The following CSNK1G2 variants were observed in gnomAD, a reference collection of about 807,000 sequenced individuals.
CSNK1G2 encodes the protein casein kinase I isoform gamma-2.
Under a neutral mutation model 48.0 loss-of-function variants are expected in CSNK1G2, and 11 were observed. That is an observed-to-expected ratio of 0.23 (90% CI 0.14 to 0.38). CSNK1G2 has a LOEUF of 0.38. Among genes scored for constraint, CSNK1G2 ranks in the 10% least tolerant of loss-of-function variants. CSNK1G2 has a pLI of 1.00. For missense variants in CSNK1G2, 446 were observed against 595.5 expected (o/e 0.75, Z 2.61); for synonymous variants, 337 against 254.1 (o/e 1.33, Z -3.10).
intron 7 of CSNK1G2, 22 bp downstream of exon 7, chr19:1,979,270 G>A (rs1226220251): frequency 6.4e-7 from 1 of 1,564,892 alleles, no homozygotes; most frequent in East Asian, 2.4e-5. Flanking sequence ...GGCCGGGCAG[G>A]CGGGCGGGGA....
At position 1,980,133 on chromosome 19, in the gene CSNK1G2, C is replaced by T. The variant is rs369491884; in HGVS notation, c.1194-16C>T. ...CTGCACCCCGGTCCTCCTACCTGAG[C>T]CACTGCCCTCCTCAGATGCTGCTGT... On this transcript the variant is annotated splice_polypyrimidine_tract_variant and intron_variant, in intron 11 of 11. Coordinates refer to ENST00000255641, the MANE Select transcript of CSNK1G2 (RefSeq NM_001319.7). 44 of 1,612,668 alleles carry T rather than the reference C, an allele frequency of 2.7e-5. No individual in the cohort carries two copies. The highest frequency in any genetic ancestry group is 3.3e-5 in the Non-Finnish European group (39 of 1,179,800).
rs1226768467 is a variant in CSNK1G2, at chr19:1,980,474, A to G, written c.*271A>G. 14 of 461,764 alleles carry G rather than the reference A, an allele frequency of 3.0e-5. No individual in the cohort carries two copies. The highest frequency in any genetic ancestry group is 9.8e-5 in the South Asian group (4 of 40,880). 28.6% of individuals were successfully genotyped at this position (461,764 alleles called of 1,614,324 possible). A position where few individuals can be genotyped will look rare whatever the true frequency, so the allele number is the denominator to read the frequency against. Reference sequence around the variant, plus strand: ...AACTATTTAAAACAAGGAAAAGAGGAAAAAAAAAACAGAGGCCCGCCCTAC... The same window carrying G: ...AACTATTTAAAACAAGGAAAAGAGGGAAAAAAAAACAGAGGCCCGCCCTAC... On this transcript the variant is annotated 3_prime_UTR_variant, in exon 12 of 12. Coordinates refer to ENST00000255641, the MANE Select transcript of CSNK1G2 (RefSeq NM_001319.7).
chr19:1,979,398 T>C lies in CSNK1G2; in HGVS notation c.848T>C (p.Phe283Ser), dbSNP rs1316481240. 1.3e-6 allele frequency: 2 copies of C among 1,583,906 alleles called. No homozygotes were observed. Among genetic ancestry groups the C allele is most frequent in the Non-Finnish European group, 8.6e-7 (1 of 1,167,212 alleles). The change falls in exon 8 of 12, where the codon TTC (phenylalanine) becomes TCC (serine). Residue 283 changes from phenylalanine (F) to serine (S), a missense_variant. Physicochemically the swap from Phe to Ser is radical, Grantham distance 155 (BLOSUM62 -2). Coordinates refer to ENST00000255641, the MANE Select transcript of CSNK1G2 (RefSeq NM_001319.7). ...ATPIEVLCENFPEEMATYLRY... is the reference protein window; with the variant it reads ...ATPIEVLCENSPEEMATYLRY... ...CCCATCGAGGTGCTCTGCGAGAACT[T>C]CCCAGGTAAGGGGTCCCTGCGCCCC... is the stretch of plus-strand genomic sequence containing the variant.
intron 1 of CSNK1G2, among the ~76,000 whole-genome samples, chr19:1,956,277 G>C (rs551318919): frequency 2.4e-4 from 36 of 152,326 alleles, no homozygotes; most frequent in African/African-American, 8.4e-4. Context: ...GGTTCTGGGG[G>C]TTGGGGCTTG....
chr19:1,958,819 C>T, intron 1 of CSNK1G2, among the ~76,000 whole-genome samples: 1 of 71,492 alleles, frequency 1.4e-5, no homozygotes, highest in Non-Finnish European at 2.9e-5. Context: ...CCAGCTCTCC[C>T]AGGCACTGTC....
rs534684015 is a variant in CSNK1G2, at chr19:1,942,270, C to T, written c.-266+852C>T. Among the ~76,000 whole-genome samples the T allele has an allele frequency of 8.3e-4, 126 of 152,344 alleles. 2 individuals are homozygous for T. In the Middle Eastern group the frequency reaches 0.014, roughly 16 times the overall value. The stretch of plus-strand genomic sequence containing the variant: ...CCGATCCCCGCCTGGCTCCTCTCTC[C>T]CAACTTTCTTAGGGGAAGACTTTCC... On this transcript the variant is annotated intron_variant, in intron 1 of 11. Transcript: ENST00000255641.
At position 1,976,179 on chromosome 19, in the gene CSNK1G2, A is replaced by G. The variant is rs925858733; in HGVS notation, c.188-2126A>G. ...GGGGCACGGCTCCTGTTGTTTTACG[A>G]GGAGAATTTCCTAATAACGTGTTAC... On this transcript the variant is annotated intron_variant, in intron 2 of 11. Transcript: ENST00000255641. 2.4e-5 allele frequency: 26 copies of G among 1,099,606 alleles called. No homozygotes were observed. The South Asian group carries it at 2.9e-4, about 12-fold the overall frequency. 68.1% of individuals were successfully genotyped at this position (1,099,606 alleles called of 1,614,324 possible).
chr19:1,977,750 CAAAAA>C (rs758107982), intron 2 of CSNK1G2, among the ~76,000 whole-genome samples: 1 of 83,036 alleles, frequency 1.2e-5, no homozygotes, highest in Non-Finnish European at 2.5e-5. Flanking sequence ...GACACCGTCT[CAAAAA>C]AAAAAAAAAA....
intron 2 of CSNK1G2, chr19:1,975,687 G>A (rs1720246965): frequency 2.0e-6 from 2 of 982,432 alleles, no homozygotes; most frequent in African/African-American, 1.7e-5. Flanking sequence ...TGATTCAGGG[G>A]GCAGTGTCCT....
chr19:1,958,078 G>A (rs939603434), intron 1 of CSNK1G2, among the ~76,000 whole-genome samples: 3 of 152,100 alleles, frequency 2.0e-5, no homozygotes, highest in East Asian at 1.9e-4. Context: ...GAGGGACATC[G>A]GTGGCTGAGT....
intron 1 of CSNK1G2, among the ~76,000 whole-genome samples, chr19:1,964,296 AAAAAAAC>A (rs1484454457): frequency 2.0e-5 from 3 of 148,286 alleles, no homozygotes; most frequent in Admixed American, 2.0e-4. Flanking sequence ...CTGTGTTAAA[AAAAAAAC>A]AAAAAAAAAC....
rs150265681 is a variant in CSNK1G2 at position 1,978,954 on chromosome 19, G to T, written c.543G>T (p.Gln181His). The change falls in exon 6 of 12, where the codon CAG becomes CAT. Residue 181 changes from glutamine to histidine, a missense_variant. Gln to His is a conservative substitution (Grantham distance 24). Transcript: ENST00000255641. This position sits in a 1 kb window ranked among gnomAD's most constrained non-coding sequence, Gnocchi z 7.3. The stretch of plus-strand genomic sequence containing the variant: ...TGGGCCGCCCGGGGACCAAGCGGCA[G>T]CATGCCATCCACATCATCGACTTCG... ...FLVGRPGTKR[Q>H]HAIHIIDFGL... The T allele has an allele frequency of 3.1e-6, 5 of 1,601,202 alleles. No individual in the cohort carries two copies. Among genetic ancestry groups the T allele is most frequent in the Non-Finnish European group, 4.2e-6 (5 of 1,179,708 alleles).
At chr19:1,965,745 C>A (rs142181536) in intron 1 of CSNK1G2, among the ~76,000 whole-genome samples, 1 of 151,820 alleles carries the variant, frequency 6.6e-6, no homozygotes, top group East Asian at 1.9e-4. Context: ...GCAGTCTGCC[C>A]GCCTCAGCCT....
intron 2 of CSNK1G2, among the ~76,000 whole-genome samples, chr19:1,977,605 T>C (rs1215938975): frequency 6.6e-6 from 1 of 151,640 alleles, no homozygotes; most frequent in African/African-American, 2.4e-5. Context: ...ATACAAAAAT[T>C]AGTTGGGTGT....
At chr19:1,963,824 T>TC (rs2015278915) in intron 1 of CSNK1G2, among the ~76,000 whole-genome samples, 1 of 150,460 alleles carries the variant, frequency 6.6e-6, no homozygotes, top group Admixed American at 6.6e-5. Context: ...AATTTTTTTT[T>TC]TTTTTTTTTG....
At chr19:1,974,672 A>G (rs530397432) in intron 2 of CSNK1G2, 1 of 152,228 alleles carries the variant, frequency 6.6e-6, no homozygotes, top group African/African-American at 2.4e-5. Context: ...CCCGTGGCTC[A>G]CCTTGTTTCT....
chr19:1,965,542 C>T (rs1317210815), intron 1 of CSNK1G2, among the ~76,000 whole-genome samples: 1 of 152,086 alleles, frequency 6.6e-6, no homozygotes, highest in Non-Finnish European at 1.5e-5. Flanking sequence ...CCACTGTCAC[C>T]CAGGCTGGAG....
intron 1 of CSNK1G2, among the ~76,000 whole-genome samples, chr19:1,950,270 G>A (rs944862971): frequency 6.6e-6 from 1 of 151,958 alleles, no homozygotes. Flanking sequence ...CTCCCGAGTA[G>A]CTGGGACTAC....
At chr19:1,973,077 G>A (rs539364041) in intron 2 of CSNK1G2, among the ~76,000 whole-genome samples, 46 of 151,554 alleles carry the variant, frequency 3.0e-4, no homozygotes, top group African/African-American at 1.1e-3. Flanking sequence ...ACAGCCGCCC[G>A]CCACCACACC....
Sources: gnomAD v4.1 joint callset for allele counts (sites outside exome capture counted in the v4.1 genomes callset) on GRCh38, gnomAD v4.1.1 for gene constraint, Gnocchi (gnomAD v3.1) non-coding constraint, MANE v1.5 for transcripts, NCBI Gene and HGNC (gene_info 2026-07-23, HGNC 2026-07-21) for gene names.